Variants in DENND1A observed in about 807,000 individuals in gnomAD.
DENND1A encodes DENN domain-containing protein 1A.
In DENND1A, 51 loss-of-function variants were observed where a neutral mutation model predicts 113.7. That is an observed-to-expected ratio of 0.45 (90% confidence interval 0.36 to 0.57). The LOEUF is 0.57. Among genes scored for constraint, DENND1A ranks in the 20% least tolerant of loss-of-function variants. The probability of loss-of-function intolerance (pLI) is 0.00; values close to 1 mark genes in which losing one functional copy is unlikely to be tolerated. For synonymous variants in DENND1A, 565 were observed against 570.8 expected (o/e 0.99, Z 0.14); for missense variants, 1,258 against 1,395.9 (o/e 0.90, Z 1.57).
chr9:123,691,447 C>CA (rs71490818), intron 5 of DENND1A, among the ~76,000 whole-genome samples: 1 of 151,882 alleles, frequency 6.6e-6, no homozygotes, highest in Admixed American at 6.6e-5. Context: ...TGGAGGAAAC[C>CA]AAAAATTACA....
chr9:123,693,911 T>C (rs529780647), intron 5 of DENND1A, among the ~76,000 whole-genome samples: 1 of 151,332 alleles, frequency 6.6e-6, no homozygotes, highest in South Asian at 2.1e-4. Context: ...CACTGCAACA[T>C]CTGCCTCCCA....
At chr9:123,507,976 T>A (rs1184769488) in intron 13 of DENND1A, among the ~76,000 whole-genome samples, 1 of 152,224 alleles carries the variant, frequency 6.6e-6, no homozygotes, top group Non-Finnish European at 1.5e-5. Flanking sequence ...AACAACTTGC[T>A]TTTTATCTTT....
At chr9:123,804,331 C>T (rs761762502) in intron 2 of DENND1A, among the ~76,000 whole-genome samples, 4 of 152,304 alleles carry the variant, frequency 2.6e-5, no homozygotes, top group African/African-American at 7.2e-5. Flanking sequence ...TTATAAATTG[C>T]CCAGTCTCGG....
chr9:123,473,875 C>G (rs2049661503), intron 13 of DENND1A, among the ~76,000 whole-genome samples: 1 of 152,058 alleles, frequency 6.6e-6, no homozygotes, highest in Non-Finnish European at 1.5e-5. Flanking sequence ...GGGGAGGACG[C>G]AGGCTTCGGT....
chr9:123,608,803 T>C (rs371631612), intron 11 of DENND1A, among the ~76,000 whole-genome samples: 43 of 152,322 alleles, frequency 2.8e-4, no homozygotes, highest in African/African-American at 7.5e-4. Context: ...AACAGTTACG[T>C]TGTGGTATAT....
chr9:123,876,266 T>C (rs530009575), intron 2 of DENND1A, among the ~76,000 whole-genome samples: 2 of 152,094 alleles, frequency 1.3e-5, no homozygotes, highest in African/African-American at 4.8e-5. Flanking sequence ...TGAAAGGAAG[T>C]AAACTGACAT....
intron 2 of DENND1A, among the ~76,000 whole-genome samples, chr9:123,799,486 G>A (rs770519426): frequency 6.6e-6 from 1 of 152,152 alleles, no homozygotes; most frequent in Non-Finnish European, 1.5e-5. Flanking sequence ...TGGTAAGTGT[G>A]ATACTAGGAG....
chr9:123,445,459 TC>T (rs1421146614), intron 18 of DENND1A, among the ~76,000 whole-genome samples: 3 of 152,188 alleles, frequency 2.0e-5, no homozygotes, highest in Non-Finnish European at 4.4e-5. Context: ...CTACAAAGAT[TC>T]CCCTGGTGGT....
At chr9:123,554,909 A>G (rs533163962) in intron 13 of DENND1A, among the ~76,000 whole-genome samples, 1 of 152,358 alleles carries the variant, frequency 6.6e-6, no homozygotes, top group African/African-American at 2.4e-5. Context: ...AGCTGATAGA[A>G]TATTACATAG....
At chr9:123,808,856 G>T (rs1836059213) in intron 2 of DENND1A, among the ~76,000 whole-genome samples, 1 of 152,134 alleles carries the variant, frequency 6.6e-6, no homozygotes, top group African/African-American at 2.4e-5. Flanking sequence ...CCCCACACTG[G>T]CAGGTTCAGT....
At chr9:123,471,250 G>C (rs911469451) in intron 13 of DENND1A, among the ~76,000 whole-genome samples, 1 of 152,144 alleles carries the variant, frequency 6.6e-6, no homozygotes, top group Non-Finnish European at 1.5e-5. Context: ...AACATGTCTG[G>C]AACGTGGGGC....
chr9:123,451,563 G>A (rs553596831), intron 17 of DENND1A, among the ~76,000 whole-genome samples: 143 of 152,304 alleles, frequency 9.4e-4, no homozygotes, highest in Admixed American at 2.7e-3. Flanking sequence ...AGTGGTGTAT[G>A]CCACCACGAA....
chr9:123,509,810 C>A (rs1262953203), intron 13 of DENND1A, among the ~76,000 whole-genome samples: 1 of 152,212 alleles, frequency 6.6e-6, no homozygotes, highest in East Asian at 1.9e-4. Flanking sequence ...TTCTTTCCCC[C>A]ACCCTTTGGC....
chr9:123,833,758 T>C (rs1179016994), intron 2 of DENND1A, among the ~76,000 whole-genome samples: 2 of 152,222 alleles, frequency 1.3e-5, no homozygotes, highest in Non-Finnish European at 2.9e-5. Flanking sequence ...CTCACATCAA[T>C]GGGTCTTAAA....
At chr9:123,614,716 G>T (rs1019542717) in intron 10 of DENND1A, among the ~76,000 whole-genome samples, 4 of 152,156 alleles carry the variant, frequency 2.6e-5, no homozygotes, top group African/African-American at 9.7e-5. Flanking sequence ...GCTTAGGGCA[G>T]CCCAGGGATT....
At chr9:123,509,582 T>G (rs1273762615) in intron 13 of DENND1A, among the ~76,000 whole-genome samples, 1 of 152,096 alleles carries the variant, frequency 6.6e-6, no homozygotes, top group Non-Finnish European at 1.5e-5. Flanking sequence ...GCAAGAAAGG[T>G]CACTTGCATT....
intron 5 of DENND1A, among the ~76,000 whole-genome samples, chr9:123,757,133 G>A (rs917104128): frequency 6.6e-6 from 1 of 152,204 alleles, no homozygotes; most frequent in Non-Finnish European, 1.5e-5. Flanking sequence ...AGGAAACAGA[G>A]CCTTAAGCAA....
intron 4 of DENND1A, 29 bp downstream of exon 4, chr9:123,769,485 T>A: frequency 3.8e-6 from 6 of 1,583,628 alleles, no homozygotes; most frequent in Non-Finnish European, 5.1e-6. Flanking sequence ...ATACTTTTTT[T>A]CTAGTAAAGT....
rs557273018 is a variant in DENND1A, at chr9:123,521,908, C to T, written c.993+35662G>A. ...AGTGAATCTGTGTAAGAAATGACAA[C>T]GCATGGGAAGTGTCTAGTACGCTGC... is the stretch of plus-strand genomic sequence containing the variant. On this transcript the variant is annotated intron_variant, in intron 13 of 23. Transcript: ENST00000394215. Among the ~76,000 whole-genome samples, 5 of 152,308 alleles carry T rather than the reference C, an allele frequency of 3.3e-5. No individual in the cohort carries two copies. The South Asian group carries it at 6.2e-4, about 19-fold the overall frequency.
Sources: allele counts gnomAD v4.1 joint callset (sites outside exome capture counted in the v4.1 genomes callset), GRCh38; gene constraint gnomAD v4.1.1; transcripts MANE v1.5; gene names NCBI Gene and HGNC (gene_info 2026-07-23, HGNC 2026-07-21).